The following TMEM132D variants were observed in gnomAD, a reference collection of about 807,000 sequenced individuals.
TMEM132D encodes the protein mature OL transmembrane protein.
A neutral mutation model predicts 62.3 loss-of-function variants in TMEM132D; 21 were observed. The observed-to-expected ratio is 0.34, with a 90% CI of 0.24 to 0.49. TMEM132D has a LOEUF of 0.49. TMEM132D is among the 20% of genes least tolerant of loss of function. The pLI is 0.99. For synonymous variants in TMEM132D, 621 were observed against 575.6 expected, an observed-to-expected ratio of 1.08 and a Z score of -1.13; for missense variants, 1,346 against 1,402.8, an observed-to-expected ratio of 0.96 and a Z score of 0.65.
rs376516242 is a variant in TMEM132D at position 129,700,202 on chromosome 12, G to A, written c.576C>T (p.Cys192=). The stretch of plus-strand genomic sequence containing the variant: ...TGGACAGGAGCTCCAGCTCGGCCAC[G>A]CACAGCCCCAGGTCCCCCTGCAGCC... ...SCRLQGDLGL[C]VAELELLSSW... Residue 192 remains cysteine, a synonymous_variant, in exon 2 of 9, where the codon TGC becomes TGT. Coordinates refer to ENST00000422113, the MANE Select transcript of TMEM132D (RefSeq NM_133448.3). 132 of 1,612,608 alleles carry A rather than the reference G, an allele frequency of 8.2e-5. 2 individuals are homozygous for A. In the South Asian group the frequency reaches 1.2e-3, roughly 15 times the overall value.
At chr12:129,841,342 T>G (rs1329895085) in intron 1 of TMEM132D, among the ~76,000 whole-genome samples, 1 of 151,956 alleles carries the variant, frequency 6.6e-6, no homozygotes, top group Non-Finnish European at 1.5e-5. Flanking sequence ...TTGCCATAGG[T>G]GGTTGCTTCC....
At chr12:129,653,253 T>C (rs1183915283) in intron 2 of TMEM132D, among the ~76,000 whole-genome samples, 3 of 152,022 alleles carry the variant, frequency 2.0e-5, no homozygotes, top group Non-Finnish European at 4.4e-5. Flanking sequence ...TCAAATGAAG[T>C]CTGAGAGGCA....
At chr12:129,690,845 T>G (rs1244756931) in intron 2 of TMEM132D, among the ~76,000 whole-genome samples, 1 of 152,124 alleles carries the variant, frequency 6.6e-6, no homozygotes, top group Non-Finnish European at 1.5e-5. Context: ...ATCAACTTGA[T>G]CTAATTGACA....
chr12:129,287,486 G>T (rs933000984), intron 4 of TMEM132D, among the ~76,000 whole-genome samples: 1 of 152,130 alleles, frequency 6.6e-6, no homozygotes, highest in African/African-American at 2.4e-5. Context: ...CAAAGCATTA[G>T]GTTAGTGCAA....
At chr12:129,234,896 G>A (rs1211178154) in intron 4 of TMEM132D, among the ~76,000 whole-genome samples, 3 of 152,162 alleles carry the variant, frequency 2.0e-5, no homozygotes. Flanking sequence ...ATATGCAATT[G>A]TTAAACTCCA....
At chr12:129,885,412 T>C (rs749168235) in intron 1 of TMEM132D, among the ~76,000 whole-genome samples, 3 of 152,236 alleles carry the variant, frequency 2.0e-5, no homozygotes, top group Non-Finnish European at 2.9e-5. Flanking sequence ...TCCAGGGTTC[T>C]CAACCTTGAT....
Position 129,136,887 on chromosome 12 carries a change from T to G in TMEM132D, c.1444-52185A>C, listed in dbSNP as rs201347355. 6.4e-3 allele frequency among the ~76,000 whole-genome samples: 935 copies of G among 145,004 alleles called. 34 individuals carry two copies. The highest frequency in any genetic ancestry group is 0.053 in the Admixed American group (764 of 14,498). ...ACCACCACCATCATTACTATCATCA[T>G]CACCACCATCATCACCATCATCATC... On this transcript the variant is annotated intron_variant, in intron 5 of 8. Transcript: ENST00000422113.
chr12:129,130,360 C>T (rs187150975), intron 5 of TMEM132D, among the ~76,000 whole-genome samples: 18 of 152,004 alleles, frequency 1.2e-4, no homozygotes, highest in East Asian at 5.8e-4. Flanking sequence ...ACAGGACTTG[C>T]GGAATCCTTG....
intron 1 of TMEM132D, among the ~76,000 whole-genome samples, chr12:129,770,926 G>A (rs1870728858): frequency 6.6e-6 from 1 of 152,200 alleles, no homozygotes; most frequent in Non-Finnish European, 1.5e-5. Context: ...GTAAGCCGAG[G>A]ACTGTCTGTA....
intron 2 of TMEM132D, among the ~76,000 whole-genome samples, chr12:129,657,217 T>A (rs1383506904): frequency 1.3e-5 from 2 of 152,190 alleles, no homozygotes; most frequent in Non-Finnish European, 2.9e-5. Flanking sequence ...ATGTGCAACA[T>A]CTGTACAGGA....
intron 4 of TMEM132D, among the ~76,000 whole-genome samples, chr12:129,226,484 T>A (rs1879484326): frequency 6.6e-6 from 1 of 152,232 alleles, no homozygotes; most frequent in African/African-American, 2.4e-5. Flanking sequence ...CAGACAATCA[T>A]CCCAGGATGT....
intron 3 of TMEM132D, among the ~76,000 whole-genome samples, chr12:129,420,335 T>G (rs1872276667): frequency 8.6e-6 from 1 of 116,484 alleles, no homozygotes; most frequent in Non-Finnish European, 1.9e-5. Context: ...TTTTTTGCAG[T>G]ATCTGGGCCA....
rs1872396283 is a variant in TMEM132D at position 129,817,726 on chromosome 12, TGTG to T, written c.79+85532_79+85534del. Among the ~76,000 whole-genome samples the T allele has an allele frequency of 2.1e-5, 3 of 143,362 alleles. No homozygotes were observed. The South Asian group carries it at 6.8e-4, about 32-fold the overall frequency. 94.1% of individuals were successfully genotyped at this position (143,362 alleles called of 152,430 possible). On this transcript the variant is annotated intron_variant, in intron 1 of 8. Transcript: ENST00000422113. ...CTGTGTGTATGTGCCTTGGGGTGTG[TGTG>T]GTGTAAGGTGTGTGTGTGGTGTGGG...
chr12:129,437,351 G>A (rs978511172), intron 3 of TMEM132D, among the ~76,000 whole-genome samples: 5 of 152,132 alleles, frequency 3.3e-5, no homozygotes, highest in African/African-American at 1.2e-4. Context: ...ACAGCTCCAT[G>A]ACAGAGAAAT....
rs78906978 is a variant in TMEM132D, at chr12:129,215,582, G to A, written c.1300-5919C>T. ...TTCCTGCCCACTAGGCACAGATAAT[G>A]TTGGAGTTAAACCGCATCTTGTGAC... On this transcript the variant is annotated intron_variant, in intron 4 of 8. Transcript: ENST00000422113. Among the ~76,000 whole-genome samples, 7 of 152,336 alleles carry A rather than the reference G, an allele frequency of 4.6e-5. No individual in the cohort carries two copies. In the East Asian group the frequency reaches 1.3e-3, roughly 29 times the overall value.
intron 3 of TMEM132D, among the ~76,000 whole-genome samples, chr12:129,491,308 C>A (rs1045446816): frequency 1.3e-5 from 2 of 152,204 alleles, no homozygotes; most frequent in Admixed American, 1.3e-4. Context: ...CAACAGGACC[C>A]CACTGATTTT....
intron 4 of TMEM132D, among the ~76,000 whole-genome samples, chr12:129,311,626 G>C (rs534094000): frequency 6.6e-6 from 1 of 152,312 alleles, no homozygotes; most frequent in South Asian, 2.1e-4. Flanking sequence ...GGCATGAAAA[G>C]CATATAAGCC....
chr12:129,332,827 T>C (rs1869151711), intron 4 of TMEM132D, among the ~76,000 whole-genome samples: 2 of 152,012 alleles, frequency 1.3e-5, no homozygotes, highest in South Asian at 2.1e-4. Context: ...CGCTAATATA[T>C]AGAAATAGAA....
At chr12:129,443,224 C>G (rs1241931010) in intron 3 of TMEM132D, among the ~76,000 whole-genome samples, 1 of 152,184 alleles carries the variant, frequency 6.6e-6, no homozygotes, top group Non-Finnish European at 1.5e-5. Flanking sequence ...AAATCTCCAT[C>G]TCAGAGCCTG....
Sources: allele counts gnomAD v4.1 joint callset (sites outside exome capture counted in the v4.1 genomes callset), GRCh38; gene constraint gnomAD v4.1.1; transcripts MANE v1.5; gene names NCBI Gene and HGNC (gene_info 2026-07-23, HGNC 2026-07-21).